Variants in PSMB7 observed in about 807,000 individuals in gnomAD.
PSMB7 encodes proteasome subunit beta type-7.
A neutral mutation model predicts 28.1 loss-of-function variants in PSMB7; 5 were observed. The observed-to-expected ratio is 0.18, with a 90% CI of 0.09 to 0.37. The LOEUF is 0.37. Among genes scored for constraint, PSMB7 ranks in the 10% least tolerant of loss-of-function variants. The pLI is 1.00. For synonymous variants in PSMB7, 122 were observed against 123.7 expected (o/e 0.99, Z 0.09); for missense variants, 275 against 346.2 (o/e 0.79, Z 1.63).
intron 5 of PSMB7, among the ~76,000 whole-genome samples, chr9:124,388,101 G>A (rs574291332): frequency 1.3e-5 from 2 of 152,270 alleles, no homozygotes; most frequent in Non-Finnish European, 1.5e-5. Flanking sequence ...GAGACATTCT[G>A]TTATTTCAGC....
At chr9:124,399,712 G>C (rs537462879) in intron 5 of PSMB7, among the ~76,000 whole-genome samples, 1 of 152,286 alleles carries the variant, frequency 6.6e-6, no homozygotes, top group South Asian at 2.1e-4. Context: ...AGAGAATGAC[G>C]ACAGAAACCC....
In PSMB7 at chr9:124,356,600, TAAAGC is replaced by T. The variant is rs1020045606; in HGVS notation, c.722+159_722+163del. Among the ~76,000 whole-genome samples, 1 of 152,102 alleles carries T rather than the reference TAAAGC, an allele frequency of 6.6e-6. No individual in the cohort carries two copies. The highest frequency in any genetic ancestry group is 2.4e-5 in the African/African-American group (1 of 41,408). ...TACACCTGACAGCAGCCCACTGTCA[TAAAGC>T]AAGTAACAAGCCGAAGGTCTGTGTG... On this transcript the variant is annotated intron_variant, in intron 7 of 7. Transcript: ENST00000259457. This position sits in a 1 kb window ranked among gnomAD's most constrained non-coding sequence, Gnocchi z 4.4.
chr9:124,355,252 T>G (rs1044138507), intron 7 of PSMB7, among the ~76,000 whole-genome samples: 1 of 152,224 alleles, frequency 6.6e-6, no homozygotes, highest in Admixed American at 6.5e-5. Context: ...CTGGGTCGCC[T>G]TGCTGATTCT....
At chr9:124,377,152 G>A (rs1227297874) in intron 6 of PSMB7, among the ~76,000 whole-genome samples, 3 of 152,166 alleles carry the variant, frequency 2.0e-5, no homozygotes, top group Non-Finnish European at 4.4e-5. Context: ...AATTTTGTGT[G>A]AGCCACCATC....
At chr9:124,369,505 G>A (rs1463564849) in intron 6 of PSMB7, among the ~76,000 whole-genome samples, 1 of 152,158 alleles carries the variant, frequency 6.6e-6, no homozygotes, top group African/African-American at 2.4e-5. Context: ...ATGGAACGTG[G>A]CAGCTTTCTA....
At chr9:124,408,312 T>C (rs1232646172) in intron 4 of PSMB7, among the ~76,000 whole-genome samples, 1 of 152,194 alleles carries the variant, frequency 6.6e-6, no homozygotes, top group Non-Finnish European at 1.5e-5. Context: ...ACTAAATAAA[T>C]GTGCATTTAT....
At chr9:124,354,681 TAAAG>T (rs1424385872) in intron 7 of PSMB7, among the ~76,000 whole-genome samples, 1 of 152,106 alleles carries the variant, frequency 6.6e-6, no homozygotes. Flanking sequence ...CCCACCCTCT[TAAAG>T]AATCCAAGCA....
intron 5 of PSMB7, among the ~76,000 whole-genome samples, chr9:124,389,142 C>T (rs1462083513): frequency 2.6e-5 from 4 of 152,166 alleles, no homozygotes; most frequent in Non-Finnish European, 4.4e-5. Flanking sequence ...GAATATAAGA[C>T]AAACTCAAGT....
intron 4 of PSMB7, among the ~76,000 whole-genome samples, chr9:124,406,745 T>C (rs1830969794): frequency 6.6e-6 from 1 of 152,186 alleles, no homozygotes; most frequent in African/African-American, 2.4e-5. Flanking sequence ...AGGAATATAT[T>C]TTCCACCCAC....
chr9:124,398,390 TAA>T (rs376398756), intron 5 of PSMB7: 67 of 232,214 alleles, frequency 2.9e-4, no homozygotes, highest in African/African-American at 1.5e-3. Context: ...TGAAAGAAAC[TAA>T]GAGAGCCACA....
intron 4 of PSMB7, among the ~76,000 whole-genome samples, chr9:124,409,567 G>C (rs536202190): frequency 2.6e-5 from 4 of 152,194 alleles, no homozygotes; most frequent in African/African-American, 9.6e-5. Flanking sequence ...CACATACAAG[G>C]AAATGGGCTG....
At chr9:124,414,956 C>T in intron 1 of PSMB7, 21 bp from the exon 2 acceptor site, 1 of 1,568,536 alleles carries the variant, frequency 6.4e-7, no homozygotes. Flanking sequence ...ATGAGAGAAT[C>T]AAGTGTTGAA....
chr9:124,368,162 C>T (rs562436952), intron 6 of PSMB7, among the ~76,000 whole-genome samples: 1 of 151,368 alleles, frequency 6.6e-6, no homozygotes, highest in African/African-American at 2.4e-5. Flanking sequence ...TTACTGTGTG[C>T]AGGCTCTGTG....
chr9:124,388,141 T>C (rs541580111), intron 5 of PSMB7, among the ~76,000 whole-genome samples: 1 of 152,352 alleles, frequency 6.6e-6, no homozygotes, highest in East Asian at 1.9e-4. Flanking sequence ...ACTCTCTTCA[T>C]ACACAAAACC....
intron 5 of PSMB7, among the ~76,000 whole-genome samples, chr9:124,386,347 A>C (rs976137325): frequency 1.3e-5 from 2 of 152,218 alleles, no homozygotes; most frequent in African/African-American, 4.8e-5. Context: ...AACTCCACCA[A>C]TGTTCTGTGA....
At chr9:124,369,827 T>G (rs79843626) in intron 6 of PSMB7, among the ~76,000 whole-genome samples, 1 of 152,106 alleles carries the variant, frequency 6.6e-6, no homozygotes, top group Non-Finnish European at 1.5e-5. Context: ...CACATGCAAT[T>G]TGAGGTGGCT....
chr9:124,365,762 G>T (rs1250155647), intron 6 of PSMB7, among the ~76,000 whole-genome samples: 4 of 151,944 alleles, frequency 2.6e-5, no homozygotes, highest in African/African-American at 7.3e-5. Flanking sequence ...TAAAATAAAA[G>T]AAATTAGCCA....
At chr9:124,415,246 G>C in intron 1 of PSMB7, 118 bp downstream of exon 1, 1 of 1,158,900 alleles carries the variant, frequency 8.6e-7, no homozygotes, top group Non-Finnish European at 1.2e-6. Context: ...CTAGCCGCGG[G>C]CCACAGGCCC....
At chr9:124,376,632 G>A (rs1830611506) in intron 6 of PSMB7, among the ~76,000 whole-genome samples, 2 of 152,142 alleles carry the variant, frequency 1.3e-5, no homozygotes, top group African/African-American at 2.4e-5. Context: ...CTGCTCACCT[G>A]GAATAAGATG....
Sources: allele counts gnomAD v4.1 joint callset (sites outside exome capture counted in the v4.1 genomes callset), GRCh38; gene constraint gnomAD v4.1.1; non-coding constraint Gnocchi (gnomAD v3.1); transcripts MANE v1.5; gene names NCBI Gene and HGNC (gene_info 2026-07-23, HGNC 2026-07-21).